Variants in BLMH observed in about 807,000 individuals in gnomAD.
BLMH encodes the protein BLM hydrolase.
A neutral mutation model predicts 61.6 loss-of-function variants in BLMH; 32 were observed. That is an observed-to-expected ratio of 0.52 (90% confidence interval 0.39 to 0.70). The LOEUF (loss-of-function observed/expected upper bound fraction) is 0.70, where lower values mean the gene tolerates loss of function less well. BLMH is among the 30% of genes least tolerant of loss of function. BLMH has a pLI of 0.00. For synonymous variants in BLMH, 183 were observed against 193.8 expected, an observed-to-expected ratio of 0.94 and a Z score of 0.46; for missense variants, 460 against 555.5, an observed-to-expected ratio of 0.83 and a Z score of 1.73.
chr17:30,291,160 G>GTTCT, intron 2 of BLMH, 151 bp downstream of exon 2: 1 of 965,270 alleles, frequency 1.0e-6, no homozygotes, highest in Non-Finnish European at 1.5e-6. Context: ...CATGGGTAAT[G>GTTCT]TTCTTAGACC....
intron 5 of BLMH, 199 bp from the exon 6 acceptor site, chr17:30,285,679 TAA>T: frequency 2.3e-6 from 1 of 439,110 alleles, no homozygotes; most frequent in Non-Finnish European, 4.0e-6. Flanking sequence ...AGAAAAGGCA[TAA>T]GTTACTCCTC....
Position 30,291,828 on chromosome 17 carries a change from C to A in BLMH, c.-9G>T. 7.4e-7 allele frequency: 1 copy of A among 1,344,080 alleles called. No homozygotes were observed. Among genetic ancestry groups the A allele is most frequent in the Non-Finnish European group, 9.5e-7 (1 of 1,052,062 alleles). The allele number at this position is 1,344,080 out of a possible 1,614,324, so 83.3% of individuals were successfully genotyped here. Reference sequence around the variant, plus strand: ...TCACCCGAGCTGCTCATGGCGCCCACGCTGCCCGGCGGGGTAACGGTAGCT... The same window carrying A: ...TCACCCGAGCTGCTCATGGCGCCCAAGCTGCCCGGCGGGGTAACGGTAGCT... On this transcript the variant is annotated 5_prime_UTR_variant, in exon 1 of 12. Transcript: ENST00000261714.
chr17:30,266,919 C>T lies in BLMH; in HGVS notation c.1182G>A (p.Val394=), dbSNP rs779209254. The T allele has an allele frequency of 7.4e-6, 12 of 1,614,006 alleles. No homozygotes were observed. In the South Asian group the frequency reaches 1.3e-4, roughly 18 times the overall value. The change falls in exon 11 of 12, where the codon GTG becomes GTA. Residue 394 remains valine (V), a synonymous_variant. Transcript: ENST00000261714. ...DQDGAFTKWR[V]ENSWGEDHGH... ...CATGGTCTTCACCCCATGAATTCTC[C>T]ACTCTCCATTTTGTGAAAGCACCAT...
chr17:30,282,599 C>T (rs1908623048), intron 6 of BLMH, among the ~76,000 whole-genome samples: 1 of 152,224 alleles, frequency 6.6e-6, no homozygotes, highest in Non-Finnish European at 1.5e-5. Context: ...GGTAACTACA[C>T]ATCTCCAAAA....
chr17:30,252,613 C>T (rs1365014719), intron 11 of BLMH, among the ~76,000 whole-genome samples: 1 of 151,116 alleles, frequency 6.6e-6, no homozygotes, highest in African/African-American at 2.4e-5. Context: ...GATCACACCA[C>T]TGCACTCTAG....
At chr17:30,251,427 A>G (rs1907664594) in intron 11 of BLMH, among the ~76,000 whole-genome samples, 2 of 152,260 alleles carry the variant, frequency 1.3e-5, no homozygotes, top group Non-Finnish European at 2.9e-5. Context: ...AACGATGTGT[A>G]CTGAATCAAG....
At position 30,286,473 on chromosome 17, in the gene BLMH, A is replaced by C. The variant is rs143976525; in HGVS notation, c.552+341T>G. Among the ~76,000 whole-genome samples the C allele has an allele frequency of 4.1e-3, 624 of 152,272 alleles. 5 individuals carry two copies. Among genetic ancestry groups the C allele is most frequent in the African/African-American group, 0.014 (592 of 41,550 alleles). ...CTCTTTTTGGTTTTACTAGCACATAAAGCAGTCCTAGCCCACCTCCACTAG... is the reference window on the plus strand; with the variant it reads ...CTCTTTTTGGTTTTACTAGCACATACAGCAGTCCTAGCCCACCTCCACTAG... On this transcript the variant is annotated intron_variant, in intron 5 of 11. Transcript: ENST00000261714.
intron 6 of BLMH, among the ~76,000 whole-genome samples, chr17:30,282,714 G>A (rs1908626057): frequency 6.6e-6 from 1 of 152,084 alleles, no homozygotes; most frequent in Non-Finnish European, 1.5e-5. Flanking sequence ...TGAGCTTCAC[G>A]GCTGTTGATT....
chr17:30,277,678 T>C (rs1908458832), intron 6 of BLMH, among the ~76,000 whole-genome samples: 1 of 152,244 alleles, frequency 6.6e-6, no homozygotes, highest in African/African-American at 2.4e-5. Flanking sequence ...AAACATATTC[T>C]AAAGATAAAT....
At chr17:30,270,145 T>C (rs1317968318) in intron 10 of BLMH, among the ~76,000 whole-genome samples, 1 of 152,170 alleles carries the variant, frequency 6.6e-6, no homozygotes, top group African/African-American at 2.4e-5. Context: ...TGCTAAGATA[T>C]TTCTAAACAT....
chr17:30,286,398 TG>T (rs574999306), intron 5 of BLMH, among the ~76,000 whole-genome samples: 26 of 152,288 alleles, frequency 1.7e-4, no homozygotes, highest in African/African-American at 5.8e-4. Context: ...TGATGTGGTC[TG>T]GGGAAGTCTC....
At chr17:30,273,872 A>G (rs1474687246) in intron 7 of BLMH, 170 bp downstream of exon 7, 3 of 773,262 alleles carry the variant, frequency 3.9e-6, no homozygotes, top group Admixed American at 2.9e-5. Context: ...AAATCCTGGC[A>G]CCACCAACTT....
chr17:30,270,135 T>G lies in BLMH; in HGVS notation c.1146+1136A>C, dbSNP rs193031803. Among the ~76,000 whole-genome samples, 96 of 152,332 alleles carry G rather than the reference T, an allele frequency of 6.3e-4. 1 individual carries two copies. The highest frequency in any genetic ancestry group is 6.0e-3 in the Admixed American group (92 of 15,300). ...GTTAGGAAAATGTGGCATAATGATATGCTAAGATATTTCTAAACATTTTAA... is the reference window on the plus strand; with the variant it reads ...GTTAGGAAAATGTGGCATAATGATAGGCTAAGATATTTCTAAACATTTTAA... On this transcript the variant is annotated intron_variant, in intron 10 of 11. Transcript: ENST00000261714.
chr17:30,270,133 T>C (rs1029054254), intron 10 of BLMH, among the ~76,000 whole-genome samples: 5 of 152,216 alleles, frequency 3.3e-5, no homozygotes, highest in Admixed American at 2.0e-4. Flanking sequence ...GGCATAATGA[T>C]ATGCTAAGAT....
intron 11 of BLMH, among the ~76,000 whole-genome samples, chr17:30,263,518 T>C (rs1908019048): frequency 6.6e-6 from 1 of 152,224 alleles, no homozygotes; most frequent in Non-Finnish European, 1.5e-5. Context: ...CAGGTTGGTA[T>C]TACATGTTAG....
At chr17:30,269,732 G>A (rs374674931) in intron 10 of BLMH, among the ~76,000 whole-genome samples, 28 of 152,102 alleles carry the variant, frequency 1.8e-4, no homozygotes, top group African/African-American at 4.8e-4. Flanking sequence ...AAAACAGCTC[G>A]CTGGTTTACA....
intron 11 of BLMH, among the ~76,000 whole-genome samples, chr17:30,253,167 TAGAAGCAG>T (rs1262625243): frequency 7.2e-5 from 11 of 152,192 alleles, no homozygotes; most frequent in Non-Finnish European, 1.6e-4. Context: ...AGGTGAAGGA[TAGAAGCAG>T]ATTCATGTAA....
intron 11 of BLMH, among the ~76,000 whole-genome samples, chr17:30,265,799 G>C (rs1597660094): frequency 1.3e-5 from 2 of 152,188 alleles, no homozygotes; most frequent in African/African-American, 4.8e-5. Flanking sequence ...GTACACATAT[G>C]CCATGGTGAT....
At chr17:30,291,223 C>T (rs1908875893) in intron 2 of BLMH, 88 bp downstream of exon 2, 2 of 1,479,562 alleles carry the variant, frequency 1.4e-6, no homozygotes, top group Non-Finnish European at 1.8e-6. Context: ...TCTTTCAGTA[C>T]GAATTTAAGA....
Sources: allele counts gnomAD v4.1 joint callset (sites outside exome capture counted in the v4.1 genomes callset), GRCh38; gene constraint gnomAD v4.1.1; transcripts MANE v1.5; gene names NCBI Gene and HGNC (gene_info 2026-07-23, HGNC 2026-07-21).